STK11IP: variants seen among roughly 807,000 people sequenced by gnomAD.
STK11IP encodes the protein serine/threonine kinase 11 interacting protein, also known as serine/threonine-protein kinase 11-interacting protein.
Under a neutral mutation model 131.7 loss-of-function variants are expected in STK11IP, and 103 were observed. The ratio of observed to expected loss-of-function variants is 0.78; its 90% CI spans 0.67 to 0.92. The LOEUF (loss-of-function observed/expected upper bound fraction) is 0.92. Among genes scored for constraint, STK11IP ranks in the 40% least tolerant of loss-of-function variants. The probability of loss-of-function intolerance (pLI) is 0.00; values close to 1 mark genes in which losing one functional copy is unlikely to be tolerated. For synonymous variants in STK11IP, 557 were observed against 575.6 expected, an observed-to-expected ratio of 0.97 and a Z score of 0.46; for missense variants, 1,315 against 1,385.7, an observed-to-expected ratio of 0.95 and a Z score of 0.81.
In STK11IP at chr2:219,605,714, A is replaced by G. The variant is rs1213967958; in HGVS notation, c.725A>G (p.Asn242Ser). Residue 242 changes from asparagine to serine, a missense_variant, in exon 8 of 25, where the codon AAT becomes AGT. Asn to Ser is a conservative substitution (Grantham distance 46, BLOSUM62 1). Transcript: ENST00000456909. ...CTGGGGGTCCTGATACTGCGAGGCA[A>G]TGAGCTTCGGAGCCTGCATGGTGAG... ...AALGVLILRG[N>S]ELRSLHGLEQ... is the part of the protein sequence containing the mutation. 1.3e-6 allele frequency: 2 copies of G among 1,593,426 alleles called. No homozygotes were observed. The highest frequency in any genetic ancestry group is 1.7e-6 in the Non-Finnish European group (2 of 1,170,230).
rs1333727941 is a variant in STK11IP, at chr2:219,606,526, G to A, written c.987+9G>A. ...CACTGACAGATTTTCAGGTCGGTGTGGTTGGGGGGCGAGGACTGTTGGGGG... is the reference window on the plus strand; with the variant it reads ...CACTGACAGATTTTCAGGTCGGTGTAGTTGGGGGGCGAGGACTGTTGGGGG... On this transcript the variant is annotated intron_variant, in intron 11 of 24. Coordinates refer to ENST00000456909, the MANE Select transcript of STK11IP (RefSeq NM_052902.4). The A allele has an allele frequency of 6.2e-7, 1 of 1,612,872 alleles. No individual in the cohort carries two copies. Among genetic ancestry groups the A allele is most frequent in the Non-Finnish European group, 8.5e-7 (1 of 1,179,406 alleles).
At chr2:219,615,562 G>A in intron 24 of STK11IP, 1 of 680,504 alleles carries the variant, frequency 1.5e-6, no homozygotes, top group Non-Finnish European at 2.6e-6. Context: ...ACCTGGACTG[G>A]GAGCCCAGCC....
chr2:219,600,444 C>A (rs1250501864), intron 2 of STK11IP, among the ~76,000 whole-genome samples: 1 of 152,128 alleles, frequency 6.6e-6, no homozygotes, highest in Non-Finnish European at 1.5e-5. Context: ...TAAAATGTAA[C>A]CATTAGGGAA....
Position 219,612,010 on chromosome 2 carries a change from T to A in STK11IP, c.2391T>A (p.Asp797Glu). 6.2e-7 allele frequency: 1 copy of A among 1,605,816 alleles called. No individual in the cohort carries two copies. Among genetic ancestry groups the A allele is most frequent in the East Asian group, 2.2e-5 (1 of 44,760 alleles). Residue 797 changes from aspartate to glutamate, a missense_variant, in exon 19 of 25, where the codon GAT becomes GAA. Coordinates refer to ENST00000456909, the MANE Select transcript of STK11IP (RefSeq NM_052902.4). ...SVDHRLRLFL[D>E]VEVFSDAQEE... ...ACCACCGACTCCGGCTCTTCCTGGATGTTGAGGTGTTCAGCGATGCCCAGG... is the reference window on the plus strand; with the variant it reads ...ACCACCGACTCCGGCTCTTCCTGGAAGTTGAGGTGTTCAGCGATGCCCAGG...
intron 19 of STK11IP, among the ~76,000 whole-genome samples, chr2:219,612,884 G>T (rs913520058): frequency 2.4e-4 from 36 of 152,212 alleles, no homozygotes; most frequent in Non-Finnish European, 5.9e-5. Context: ...GTCTGGCGGA[G>T]CGTGGAGGGG....
chr2:219,616,200 C>T lies in STK11IP; in HGVS notation c.*7C>T, dbSNP rs1698564658. The T allele has an allele frequency of 6.2e-7, 1 of 1,611,874 alleles. No individual in the cohort carries two copies. The highest frequency in any genetic ancestry group is 8.5e-7 in the Non-Finnish European group (1 of 1,179,134). On this transcript the variant is annotated 3_prime_UTR_variant, in exon 25 of 25. Coordinates refer to ENST00000456909, the MANE Select transcript of STK11IP (RefSeq NM_052902.4). ...GCTGGCCCTTGACCGATGAGGGTCC[C>T]ACGCTGACCTTGGCCCTGACCTCAG...
chr2:219,605,943 G>A lies in STK11IP; in HGVS notation c.746-13G>A, dbSNP rs994146565. 4 of 1,588,276 alleles carry A rather than the reference G, an allele frequency of 2.5e-6. No homozygotes were observed. Among genetic ancestry groups the A allele is most frequent in the Non-Finnish European group, 2.6e-6 (3 of 1,166,834 alleles). Reference sequence around the variant, plus strand: ...ATCCACATGCTCTTCCTTCCTTCTTGCGTCCACCCCAGGCCTAGAGCAGCT... The same window carrying A: ...ATCCACATGCTCTTCCTTCCTTCTTACGTCCACCCCAGGCCTAGAGCAGCT... On this transcript the variant is annotated splice_polypyrimidine_tract_variant and intron_variant, in intron 8 of 24. Coordinates refer to ENST00000456909, the MANE Select transcript of STK11IP (RefSeq NM_052902.4).
In STK11IP at chr2:219,597,883, C is replaced by T. The variant is rs1697840168; in HGVS notation, c.-67C>T. On this transcript the variant is annotated 5_prime_UTR_variant, in exon 1 of 25. Transcript: ENST00000456909. ...CTTCCTTTCCATCATTGATAGGCGC[C>T]GGGCAGCTGAGCTGGTAGGAGGACC... 1 of 1,607,326 alleles carries T rather than the reference C, an allele frequency of 6.2e-7. No individual in the cohort carries two copies. Among genetic ancestry groups the T allele is most frequent in the Non-Finnish European group, 8.5e-7 (1 of 1,177,056 alleles).
intron 7 of STK11IP, among the ~76,000 whole-genome samples, chr2:219,603,336 C>T (rs888960650): frequency 1.3e-5 from 2 of 151,998 alleles, no homozygotes; most frequent in Admixed American, 6.6e-5. Context: ...GCCACCACGC[C>T]CGGCTGAATA....
chr2:219,603,970 C>G (rs1284307511), intron 7 of STK11IP, among the ~76,000 whole-genome samples: 2 of 152,094 alleles, frequency 1.3e-5, no homozygotes, highest in African/African-American at 4.8e-5. Flanking sequence ...AGGGCTTGAG[C>G]AGAGTAAGGG....
Position 219,615,141 on chromosome 2 carries a change from T to C in STK11IP, c.2917T>C (p.Phe973Leu), listed in dbSNP as rs765152913. 1.8e-5 allele frequency: 29 copies of C among 1,608,714 alleles called. 1 individual carries two copies. The South Asian group carries it at 2.9e-4, about 16-fold the overall frequency. ...VSLLLTPSTL[F>L]LLDEDAAGSP... is the part of the protein sequence containing the mutation. ...CCTGTTGCTGACTCCGTCCACCCTG[T>C]TCCTGTTAGATGAGGATGCTGCAGG... is the stretch of plus-strand genomic sequence containing the variant. The change falls in exon 24 of 25, where the codon TTC becomes CTC. Residue 973 changes from phenylalanine to leucine, a missense_variant. Physicochemically the swap from Phe to Leu is conservative, Grantham distance 22. Transcript: ENST00000456909.
In STK11IP at chr2:219,601,227, T is replaced by A. The variant is rs2106145792; in HGVS notation, c.62-8T>A. 2 of 1,604,770 alleles carry A rather than the reference T, an allele frequency of 1.2e-6. No homozygotes were observed. The highest frequency in any genetic ancestry group is 2.2e-5 in the South Asian group (2 of 90,514). On this transcript the variant is annotated splice_polypyrimidine_tract_variant and splice_region_variant and intron_variant, in intron 2 of 24. Transcript: ENST00000456909. ...TGTCTTCCCTCCTGTTTGCCCCTTT[T>A]TCTGCAGGGGATGTGGTCCTGTCTG...
At chr2:219,602,617 G>T (rs772925424) in intron 6 of STK11IP, 42 bp downstream of exon 6, 3 of 1,611,758 alleles carry the variant, frequency 1.9e-6, no homozygotes, top group Admixed American at 3.3e-5. Flanking sequence ...GAAGGGCAAG[G>T]CCAGGCCTTT....
intron 17 of STK11IP, among the ~76,000 whole-genome samples, chr2:219,611,338 T>G (rs929966915): frequency 6.6e-6 from 1 of 152,166 alleles, no homozygotes; most frequent in Non-Finnish European, 1.5e-5. Flanking sequence ...TTTGGCCCAG[T>G]CTGAGAGGGC....
rs1698547849 is a variant in STK11IP, at chr2:219,615,585, C to G, written c.3117+244C>G. The G allele has an allele frequency of 6.1e-6, 4 of 659,516 alleles. No homozygotes were observed. The East Asian group carries it at 1.1e-4, about 19-fold the overall frequency. 40.9% of individuals were successfully genotyped at this position (659,516 alleles called of 1,614,324 possible). ...TGGGAGCCCAGCCATTTAGCTGGGC[C>G]ACGAGGCTTTCAGTGAGGTTTCCGG... is the stretch of plus-strand genomic sequence containing the variant. On this transcript the variant is annotated intron_variant, in intron 24 of 24. Transcript: ENST00000456909.
At chr2:219,602,319 T>A (rs1698013653) in intron 5 of STK11IP, 149 bp from the exon 6 acceptor site, 1 of 671,458 alleles carries the variant, frequency 1.5e-6, no homozygotes, top group Admixed American at 2.8e-5. Context: ...TACAGTGAGT[T>A]CTTGGGTCAG....
In STK11IP at chr2:219,598,164, G is replaced by T; in HGVS notation, c.45G>T (p.Gly15=). The change falls in exon 2 of 25, where the codon GGG becomes GGT. Residue 15 remains glycine, a synonymous_variant. Transcript: ENST00000456909. ...ACTCCCTGTTGTGGAAGCTCGCGGGGTTGCTGCGGGAGTCCGGTGAGTGGA... is the reference window on the plus strand; with the variant it reads ...ACTCCCTGTTGTGGAAGCTCGCGGGTTTGCTGCGGGAGTCCGGTGAGTGGA... The part of the protein sequence containing the change: ...QRDSLLWKLA[G]LLRESGDVVL... The T allele has an allele frequency of 6.4e-7, 1 of 1,568,328 alleles. No individual in the cohort carries two copies. Among genetic ancestry groups the T allele is most frequent in the Non-Finnish European group, 8.6e-7 (1 of 1,156,324 alleles).
chr2:219,614,452 C>T, intron 22 of STK11IP, 24 bp from the exon 23 acceptor site: 2 of 1,612,396 alleles, frequency 1.2e-6, no homozygotes, highest in Non-Finnish European at 8.5e-7. Context: ...GCTGATCTTC[C>T]TGTGCCTGCC....
In STK11IP at chr2:219,601,649, T is replaced by C. The variant is rs201751806; in HGVS notation, c.276T>C (p.His92=). ...LQKTLSLKLV[H]VAGPGPTGPI... ...TTTTTTTTTTTTTTCAGCTGGTCCATGTTGCTGGTCCTGGCCCCACAGGGC... is the reference window on the plus strand; with the variant it reads ...TTTTTTTTTTTTTTCAGCTGGTCCACGTTGCTGGTCCTGGCCCCACAGGGC... The change falls in exon 4 of 25, where the codon CAT becomes CAC. Residue 92 remains histidine (H), a synonymous_variant. Transcript: ENST00000456909. 3.3e-5 allele frequency: 53 copies of C among 1,584,364 alleles called. No homozygotes were observed. In the East Asian group the frequency reaches 1.1e-3, roughly 33 times the overall value.
Sources: allele counts gnomAD v4.1 joint callset (sites outside exome capture counted in the v4.1 genomes callset), GRCh38; gene constraint gnomAD v4.1.1; transcripts MANE v1.5; gene names NCBI Gene and HGNC (gene_info 2026-07-23, HGNC 2026-07-21).